Variants in PGBD2 observed in about 807,000 individuals in gnomAD.
PGBD2 encodes the protein piggyBac transposable element derived 2.
In PGBD2, 6 loss-of-function variants were observed where a neutral mutation model predicts 8.1. The ratio of observed to expected loss-of-function variants is 0.74; its 90% confidence interval spans 0.40 to 1.46. The LOEUF is 1.46. Among genes scored for constraint, PGBD2 ranks in the 40% most tolerant of loss-of-function variants. The pLI is 0.02. For synonymous variants in PGBD2, 318 were observed against 272.2 expected, an observed-to-expected ratio of 1.17 and a Z score of -1.66; for missense variants, 802 against 739.0, an observed-to-expected ratio of 1.09 and a Z score of -0.99.
upstream of PGBD2, chr1:248,906,100 C>G (rs1661622351): frequency 6.6e-6 from 1 of 151,176 alleles, no homozygotes; most frequent in Non-Finnish European, 1.5e-5. Context: ...CCGTTCTGGC[C>G]TCGCAGGCGT....
downstream of PGBD2, among the ~76,000 whole-genome samples, chr1:248,923,606 A>G (rs1233547700): frequency 1.3e-5 from 2 of 152,222 alleles, no homozygotes; most frequent in South Asian, 2.1e-4. Context: ...AAATAATCAG[A>G]CAAATAAAAA....
In PGBD2 at chr1:248,918,193, C is replaced by T. The variant is rs1381618526; in HGVS notation, c.1609C>T (p.Arg537Ter). ...SNADTTSQGR[R>*]SRRLETESRF... ...TGCTGACACAACATCTCAAGGGAGGCGAAGCAGGCGGTTGGAGACTGAGAG... is the reference window on the plus strand; with the variant it reads ...TGCTGACACAACATCTCAAGGGAGGTGAAGCAGGCGGTTGGAGACTGAGAG... Residue 537 changes from arginine (R) to a stop codon, truncating the protein, a stop_gained, in exon 3 of 3, where the codon CGA becomes TGA. Transcript: ENST00000329291. LOFTEE classifies it high-confidence loss of function. 2.5e-6 allele frequency: 4 copies of T among 1,613,970 alleles called. No homozygotes were observed. The highest frequency in any genetic ancestry group is 2.7e-5 in the African/African-American group (2 of 74,866).
chr1:248,893,296 C>T, the PGBD2 span, among the ~76,000 whole-genome samples: 3 of 152,332 alleles, frequency 2.0e-5, no homozygotes, highest in Non-Finnish European at 4.4e-5. Flanking sequence ...TGTTAACTTA[C>T]GCACTATGTT....
At chr1:248,883,124 T>C in the PGBD2 span, among the ~76,000 whole-genome samples, 1 of 151,874 alleles carries the variant, frequency 6.6e-6, no homozygotes, top group Non-Finnish European at 1.5e-5. Context: ...TGTTTGTTTG[T>C]TTTTTGTTTG....
chr1:248,914,678 T>C, intron 2 of PGBD2: 1 of 1,082,954 alleles, frequency 9.2e-7, no homozygotes, highest in Non-Finnish European at 1.2e-6. Flanking sequence ...CCTCTGTGCC[T>C]ACCCTCCATG....
chr1:248,918,791 A>C lies in PGBD2; in HGVS notation c.*428A>C, dbSNP rs1164450140. 1.2e-5 allele frequency: 2 copies of C among 167,042 alleles called. No individual in the cohort carries two copies. Among genetic ancestry groups the C allele is most frequent in the African/African-American group, 2.4e-5 (1 of 41,446 alleles). The allele number at this position is 167,042 out of a possible 1,614,324, so 10.3% of individuals were successfully genotyped here. ...TGTGATGGATTTCTTAATCATATTT[A>C]TTTCATATTAATCCAAGTTTATCAA... On this transcript the variant is annotated 3_prime_UTR_variant, in exon 3 of 3. Coordinates refer to ENST00000329291, the MANE Select transcript of PGBD2 (RefSeq NM_170725.3).
the PGBD2 span, among the ~76,000 whole-genome samples, chr1:248,882,669 A>G: frequency 6.6e-6 from 1 of 152,116 alleles, no homozygotes; most frequent in African/African-American, 2.4e-5. Flanking sequence ...GGCTCTCCAC[A>G]AGGGTTGCAT....
downstream of PGBD2, among the ~76,000 whole-genome samples, chr1:248,921,572 G>A (rs1662288225): frequency 6.6e-6 from 1 of 152,160 alleles, no homozygotes; most frequent in Admixed American, 6.5e-5. Context: ...GTAGCATGAT[G>A]CCTCCAGCTT....
At chr1:248,905,484 A>C (rs986092520), upstream of PGBD2, among the ~76,000 whole-genome samples, 2 of 151,790 alleles carry the variant, frequency 1.3e-5, no homozygotes, top group Admixed American at 6.6e-5. Flanking sequence ...TCATAACTAG[A>C]GTGGAGAGAG....
chr1:248,873,925 C>T, the PGBD2 span, among the ~76,000 whole-genome samples: 7 of 152,194 alleles, frequency 4.6e-5, no homozygotes, highest in Non-Finnish European at 7.4e-5. Context: ...TTCTGGTCTC[C>T]GGATGGAGGC....
the PGBD2 span, among the ~76,000 whole-genome samples, chr1:248,899,585 G>C: frequency 6.3e-4 from 96 of 152,080 alleles, no homozygotes; most frequent in Non-Finnish European, 1.1e-3. Flanking sequence ...GGAATGCAGC[G>C]AAAGCAGTGT....
chr1:248,903,007 A>G (rs1375429150), upstream of PGBD2, among the ~76,000 whole-genome samples: 2 of 152,116 alleles, frequency 1.3e-5, no homozygotes, highest in African/African-American at 4.8e-5. Context: ...GTACCCCTGA[A>G]CTTAAAATAA....
intron 1 of PGBD2, among the ~76,000 whole-genome samples, chr1:248,912,520 C>CAGT (rs939600917): frequency 3.0e-4 from 45 of 152,268 alleles, no homozygotes; most frequent in African/African-American, 1.1e-3. Context: ...ATGCTTAAAA[C>CAGT]AGTACTCTGC....
chr1:248,908,727 G>C (rs964703353), intron 1 of PGBD2, among the ~76,000 whole-genome samples: 6 of 150,936 alleles, frequency 4.0e-5, no homozygotes, highest in Non-Finnish European at 8.8e-5. Context: ...ATAAAGACAG[G>C]CCTCCTTAAC....
chr1:248,878,669 A>G, the PGBD2 span, among the ~76,000 whole-genome samples: 1 of 152,154 alleles, frequency 6.6e-6, no homozygotes, highest in Non-Finnish European at 1.5e-5. Context: ...CTGCACTGGG[A>G]TTATAAGGTA....
At chr1:248,894,987 T>C in the PGBD2 span, among the ~76,000 whole-genome samples, 1 of 152,090 alleles carries the variant, frequency 6.6e-6, no homozygotes, top group Non-Finnish European at 1.5e-5. Context: ...TTAATTTTTT[T>C]AGAGATGGGA....
At chr1:248,879,348 G>T in the PGBD2 span, among the ~76,000 whole-genome samples, 4 of 152,140 alleles carry the variant, frequency 2.6e-5, no homozygotes, top group African/African-American at 9.7e-5. Context: ...TATGTTCCCT[G>T]TTAATTCATC....
In PGBD2 at chr1:248,917,086, A is replaced by G. The variant is rs371297814; in HGVS notation, c.502A>G (p.Lys168Glu). The change falls in exon 3 of 3, where the codon AAA (lysine) becomes GAA (glutamate). Residue 168 changes from lysine (K) to glutamate (E), a missense_variant. Lys to Glu is a moderately conservative substitution (Grantham distance 56). Coordinates refer to ENST00000329291, the MANE Select transcript of PGBD2 (RefSeq NM_170725.3). ...TGAAACCAATCGTTATGCTTGGCAG[A>G]AAAATGTCAATTTGAGTCTTACGGC... ...VNETNRYAWQ[K>E]NVNLSLTAQE... The G allele has an allele frequency of 6.8e-6, 11 of 1,613,690 alleles. No individual in the cohort carries two copies. Among genetic ancestry groups the G allele is most frequent in the Non-Finnish European group, 9.3e-6 (11 of 1,179,936 alleles).
chr1:248,925,583 T>G, the PGBD2 span, among the ~76,000 whole-genome samples: 5 of 151,844 alleles, frequency 3.3e-5, no homozygotes, highest in East Asian at 9.6e-4. Flanking sequence ...TTTTTTTTTT[T>G]TTTTGGCGAG....
Sources: allele counts gnomAD v4.1 joint callset (sites outside exome capture counted in the v4.1 genomes callset), GRCh38; gene constraint gnomAD v4.1.1; transcripts MANE v1.5; gene names NCBI Gene and HGNC (gene_info 2026-07-23, HGNC 2026-07-21).